TBL1X: variants seen among roughly 807,000 people sequenced by gnomAD.
TBL1X encodes F-box-like/WD repeat-containing protein TBL1X.
TBL1X carries 10 observed loss-of-function variants against 50.7 expected under a neutral mutation model. The observed-to-expected ratio is 0.20, with a 90% confidence interval of 0.12 to 0.33. TBL1X has a LOEUF of 0.33. Ranked by LOEUF, TBL1X falls within the 10% of genes least tolerant of loss-of-function variation. The pLI, the probability that TBL1X is intolerant of heterozygous loss-of-function variation, is 1.00. For missense variants in TBL1X, 340 were observed against 504.4 expected (o/e 0.67, Z 3.12); for synonymous variants, 190 against 214.7 (o/e 0.88, Z 1.01).
chrX:9,699,124 G>GC (rs2083153515), intron 12 of TBL1X, among the ~76,000 whole-genome samples: 2 of 111,606 alleles, frequency 1.8e-5, no homozygotes, highest in South Asian at 3.8e-4. Flanking sequence ...GGGATTACAG[G>GC]CATGCACCAC....
intron 2 of TBL1X, among the ~76,000 whole-genome samples, chrX:9,503,291 CTG>C (rs1230211074): frequency 2.7e-5 from 3 of 112,916 alleles, no homozygotes; most frequent in African/African-American, 9.6e-5. Context: ...TTCCACAGAA[CTG>C]TGAAACCCAC....
intron 2 of TBL1X, among the ~76,000 whole-genome samples, chrX:9,523,985 T>TTTTTTTA (rs1555963929): frequency 1.1e-5 from 1 of 94,836 alleles, no homozygotes; most frequent in African/African-American, 4.1e-5. Context: ...TTTTTTTTTT[T>TTTTTTTA]TAGACAGAGT....
At chrX:9,588,302 C>T (rs965747945) in intron 2 of TBL1X, among the ~76,000 whole-genome samples, 2 of 111,400 alleles carry the variant, frequency 1.8e-5, no homozygotes, top group African/African-American at 6.5e-5. Flanking sequence ...GGACCCATCC[C>T]CTGTGGATGC....
intron 2 of TBL1X, among the ~76,000 whole-genome samples, chrX:9,509,091 T>G (rs200511283): frequency 4.0e-5 from 4 of 100,988 alleles, no homozygotes; most frequent in South Asian, 4.4e-4. Flanking sequence ...GTTTTTTTTT[T>G]GTTTTTTTAG....
intron 5 of TBL1X, among the ~76,000 whole-genome samples, chrX:9,678,495 A>G (rs2083007535): frequency 8.9e-6 from 1 of 112,619 alleles, no homozygotes; most frequent in Non-Finnish European, 1.9e-5. Context: ...CAGATAGCAG[A>G]TGGTGTCCCT....
intron 2 of TBL1X, among the ~76,000 whole-genome samples, chrX:9,595,260 C>G (rs1485676366): frequency 9.0e-6 from 1 of 111,423 alleles, no homozygotes; most frequent in African/African-American, 3.3e-5. Context: ...AGGGAGAAGA[C>G]GCTGTCAAAA....
intron 2 of TBL1X, among the ~76,000 whole-genome samples, chrX:9,577,917 GAC>G (rs771188742): frequency 8.9e-6 from 1 of 112,579 alleles, no homozygotes; most frequent in South Asian, 3.7e-4. Flanking sequence ...TCAAGACGGT[GAC>G]ACAGAAGCAG....
chrX:9,585,349 C>CA (rs2082464194), intron 2 of TBL1X, among the ~76,000 whole-genome samples: 2 of 96,277 alleles, frequency 2.1e-5, no homozygotes, highest in African/African-American at 7.7e-5. Flanking sequence ...CTCCCCCCCC[C>CA]GCCACAGCTT....
rs184485976 is a variant in TBL1X at position 9,655,129 on chromosome X, C to A, written c.211+807C>A. Among the ~76,000 whole-genome samples, 482 of 111,256 alleles carry A rather than the reference C, an allele frequency of 4.3e-3. 15 individuals are homozygous for A. Among genetic ancestry groups the A allele is most frequent in the Admixed American group, 0.042 (438 of 10,434 alleles). On this transcript the variant is annotated intron_variant, in intron 5 of 17. Coordinates refer to ENST00000645353, the MANE Select transcript of TBL1X (RefSeq NM_005647.4). Reference sequence around the variant, plus strand: ...TCTCCACGTGTTTATTACACACAGCCGTTTTCCTAAGCGACATACGGTGCA... The same window carrying A: ...TCTCCACGTGTTTATTACACACAGCAGTTTTCCTAAGCGACATACGGTGCA...
chrX:9,609,336 GGTGTGTGTGTGTGTGTGTGTGT>G (rs775969638), intron 2 of TBL1X, among the ~76,000 whole-genome samples: 1 of 94,774 alleles, frequency 1.1e-5, no homozygotes, highest in Non-Finnish European at 2.1e-5. Flanking sequence ...TTTTCTTCCA[GGTGTGTGTGTGTGTGTGTGTGT>G]GTGTGTGTGT....
At chrX:9,647,200 G>A (rs1421631538) in intron 3 of TBL1X, among the ~76,000 whole-genome samples, 2 of 110,487 alleles carry the variant, frequency 1.8e-5, no homozygotes, top group African/African-American at 6.7e-5. Flanking sequence ...TGAAACCAAG[G>A]CTTAAAAAAA....
Position 9,718,055 on chromosome X carries a change from A to G in TBL1X, c.*1809A>G, listed in dbSNP as rs1270778124. ...TCATTAGCAAGGGGGAAAAGGCCAA[A>G]GGACAAGGGCCTCTTCTCCCATTGG... On this transcript the variant is annotated 3_prime_UTR_variant, in exon 18 of 18. Coordinates refer to ENST00000645353, the MANE Select transcript of TBL1X (RefSeq NM_005647.4). 9.0e-6 allele frequency: 1 copy of G among 110,849 alleles called. No individual in the cohort carries two copies. Among genetic ancestry groups the G allele is most frequent in the Admixed American group, 9.6e-5 (1 of 10,457 alleles). The allele number at this position is 110,849 out of a possible 1,213,427, so 9.1% of individuals were successfully genotyped here. A position where few individuals can be genotyped will look rare whatever the true frequency, so the allele number is the denominator to read the frequency against.
intron 3 of TBL1X, among the ~76,000 whole-genome samples, chrX:9,649,567 T>C (rs1189181755): frequency 8.9e-6 from 1 of 111,999 alleles, no homozygotes; most frequent in African/African-American, 3.2e-5. Flanking sequence ...GTTTTTCTAG[T>C]TGGAAGAAAG....
At chrX:9,537,962 C>G (rs1287558226) in intron 2 of TBL1X, among the ~76,000 whole-genome samples, 1 of 111,320 alleles carries the variant, frequency 9.0e-6, no homozygotes, top group Non-Finnish European at 1.9e-5. Context: ...TGAGGCCACT[C>G]GAGGCAGGGG....
At chrX:9,600,469 C>CG (rs1236527927) in intron 2 of TBL1X, among the ~76,000 whole-genome samples, 2,011 of 11,227 alleles carry the variant, frequency 0.18, 83 homozygotes, top group Middle Eastern at 0.29. Context: ...ATTTGGTGGG[C>CG]GGGGGGGGGG....
intron 2 of TBL1X, among the ~76,000 whole-genome samples, chrX:9,614,640 A>G (rs1327171290): frequency 8.9e-6 from 1 of 112,009 alleles, no homozygotes; most frequent in East Asian, 2.8e-4. Context: ...TTCTCAGTCT[A>G]TACTGCTTTT....
chrX:9,709,880 A>C, intron 15 of TBL1X, 120 bp downstream of exon 15: 107 of 956,722 alleles, frequency 1.1e-4, no homozygotes, highest in Non-Finnish European at 1.4e-4. Flanking sequence ...GCGGTAGCTC[A>C]CTTTGAAGGG....
chrX:9,709,236 GCT>G lies in TBL1X; in HGVS notation c.1237-7_1237-6del, dbSNP rs2083229507. 10 of 1,208,902 alleles carry G rather than the reference GCT, an allele frequency of 8.3e-6. No homozygotes were observed. The East Asian group carries it at 2.4e-4, about 29-fold the overall frequency. On this transcript the variant is annotated splice_polypyrimidine_tract_variant and intron_variant, in intron 13 of 17. Transcript: ENST00000645353. ...CCTGATGTCTTTTTCACACTCTTCT[GCT>G]CTCTTTCAGAACGAGGTCAACGCCA...
chrX:9,635,471 T>C (rs898400197), intron 2 of TBL1X, among the ~76,000 whole-genome samples: 1 of 110,691 alleles, frequency 9.0e-6, no homozygotes, highest in Non-Finnish European at 1.9e-5. Context: ...GCATCCTTTG[T>C]TGTCATTGGG....
Sources: gnomAD v4.1 joint callset for allele counts (sites outside exome capture counted in the v4.1 genomes callset) on GRCh38, gnomAD v4.1.1 for gene constraint, MANE v1.5 for transcripts, NCBI Gene and HGNC (gene_info 2026-07-23, HGNC 2026-07-21) for gene names.